The following KIT variants were observed in gnomAD, a reference collection of about 807,000 sequenced individuals.
The protein encoded by KIT is KIT proto-oncogene, receptor tyrosine kinase, also known as mast/stem cell growth factor receptor Kit.
A neutral mutation model predicts 105.7 loss-of-function variants in KIT; 16 were observed. That is an observed-to-expected ratio of 0.15 (90% confidence interval 0.10 to 0.23). The LOEUF is 0.23. KIT is among the 10% of genes least tolerant of loss of function. KIT has a pLI of 1.00. For synonymous variants in KIT, 438 were observed against 441.1 expected (o/e 0.99, Z 0.09); for missense variants, 858 against 1,213.8 (o/e 0.71, Z 4.36).
At chr4:54,676,396 A>G (rs1473871886) in intron 1 of KIT, among the ~76,000 whole-genome samples, 2 of 152,214 alleles carry the variant, frequency 1.3e-5, no homozygotes, top group Non-Finnish European at 2.9e-5. Flanking sequence ...AGGCTGTGCT[A>G]GTTAAAAAGT....
At chr4:54,734,660 GA>G (rs1357032721) in intron 17 of KIT, among the ~76,000 whole-genome samples, 2 of 152,136 alleles carry the variant, frequency 1.3e-5, no homozygotes, top group Admixed American at 1.3e-4. Flanking sequence ...AAGATAAGAA[GA>G]AGGAAACTCA....
chr4:54,729,820 A>C (rs1722479319), intron 14 of KIT, among the ~76,000 whole-genome samples: 1 of 152,158 alleles, frequency 6.6e-6, no homozygotes, highest in Non-Finnish European at 1.5e-5. Flanking sequence ...TACTACATGC[A>C]TGTTTCCAGT....
chr4:54,733,629 G>A lies in KIT; in HGVS notation c.2484+437G>A, dbSNP rs6857973. On this transcript the variant is annotated intron_variant, in intron 17 of 20. Transcript: ENST00000288135. ...TGTTGGATCCTAGAATACACGGAGA[G>A]CTATTAAATAGGTTCATAAGTAATA... is the stretch of plus-strand genomic sequence containing the variant. 6.5e-3 allele frequency among the ~76,000 whole-genome samples: 994 copies of A among 152,232 alleles called. 13 individuals are homozygous for A. Among genetic ancestry groups the A allele is most frequent in the African/African-American group, 0.023 (950 of 41,530 alleles).
intron 1 of KIT, among the ~76,000 whole-genome samples, chr4:54,677,399 G>A (rs558021696): frequency 4.9e-4 from 74 of 152,268 alleles, no homozygotes; most frequent in South Asian, 1.0e-3. Flanking sequence ...TGGGACACTA[G>A]AGAGAAGTTC....
intron 1 of KIT, among the ~76,000 whole-genome samples, chr4:54,667,854 G>A (rs1247252247): frequency 6.6e-6 from 1 of 152,162 alleles, no homozygotes; most frequent in Non-Finnish European, 1.5e-5. Context: ...TATGTTCGAT[G>A]CACATCCAGT....
At chr4:54,712,759 C>A (rs538777382) in intron 7 of KIT, among the ~76,000 whole-genome samples, 1 of 152,146 alleles carries the variant, frequency 6.6e-6, no homozygotes, top group Non-Finnish European at 1.5e-5. Context: ...GTCTTTTCTG[C>A]ATTCTAGGGT....
Position 54,731,988 on chromosome 4 carries a change from C to T in KIT, c.2351C>T (p.Ala784Val), listed in dbSNP as rs2109796079. Residue 784 changes from alanine (A) to valine (V), a missense_variant, in exon 16 of 21, where the codon GCC becomes GTC. By Grantham distance (64) the Ala-to-Val change is moderately conservative. Around this residue, in one of 7 missense-constraint regions of KIT, gnomAD observed 158 missense variants for 218.7 expected, o/e 0.72. Transcript: ENST00000288135. ...GTGGCAAAGGGCATGGCTTTCCTCG[C>T]CTCCAAGAATGTAAGTGGGAGTGAT... Reference protein sequence around the residue: ...YQVAKGMAFLASKNCIHRDLA... With the variant: ...YQVAKGMAFLVSKNCIHRDLA... 2 of 1,613,166 alleles carry T rather than the reference C, an allele frequency of 1.2e-6. No homozygotes were observed. The highest frequency in any genetic ancestry group is 2.2e-5 in the East Asian group (1 of 44,854).
intron 8 of KIT, 151 bp from the exon 9 acceptor site, chr4:54,725,706 C>A: frequency 1.3e-6 from 1 of 773,670 alleles, no homozygotes; most frequent in Non-Finnish European, 2.2e-6. Context: ...ACTAGGTCAC[C>A]AAAGTGCTTA....
chr4:54,724,370 C>T (rs183718894), intron 8 of KIT, among the ~76,000 whole-genome samples: 16 of 152,264 alleles, frequency 1.1e-4, no homozygotes, highest in East Asian at 1.9e-4. Context: ...TTAGTATGGT[C>T]GCAGAAATTT....
In KIT at chr4:54,699,634, C is replaced by G; in HGVS notation, c.624C>G (p.Phe208Leu). 6.2e-7 allele frequency: 1 copy of G among 1,613,942 alleles called. No homozygotes were observed. Residue 208 changes from phenylalanine to leucine, a missense_variant, in exon 4 of 21, where the codon TTC becomes TTG. Coordinates refer to ENST00000288135, the MANE Select transcript of KIT (RefSeq NM_000222.3). ...EKFILKVRPA[F>L]KAVPVVSVSK... ...CCACATTTCTTTTCATTCTAGCCTT[C>G]AAAGCTGTGCCTGTTGTGTCTGTGT...
intron 1 of KIT, among the ~76,000 whole-genome samples, chr4:54,663,038 T>C (rs201117503): frequency 6.7e-6 from 1 of 149,422 alleles, no homozygotes; most frequent in African/African-American, 2.5e-5. Context: ...CAACATAACA[T>C]TTGTGTCTGG....
At position 54,695,515 on chromosome 4, in the gene KIT, C is replaced by G. The variant is rs1577952322; in HGVS notation, c.71C>G (p.Ser24Cys). The stretch of plus-strand genomic sequence containing the variant: ...ACGATTCTGTTTTTCTTGGCAGGCT[C>G]TTCTCAACCATCTGTGAGTCCAGGG... ...LLLLLRVQTG[S>C]SQPSVSPGEP... is the part of the protein sequence containing the mutation. Residue 24 changes from serine to cysteine, a missense_variant, in exon 2 of 21, where the codon TCT becomes TGT. This residue lies in a region of KIT where 46 missense variants were observed against 38.8 expected (regional missense o/e 1.19). Coordinates refer to ENST00000288135, the MANE Select transcript of KIT (RefSeq NM_000222.3). The G allele has an allele frequency of 6.2e-7, 1 of 1,614,168 alleles. No homozygotes were observed. Among genetic ancestry groups the G allele is most frequent in the Non-Finnish European group, 8.5e-7 (1 of 1,180,030 alleles).
At chr4:54,734,220 A>T (rs1001693030) in intron 17 of KIT, among the ~76,000 whole-genome samples, 3 of 152,136 alleles carry the variant, frequency 2.0e-5, no homozygotes, top group African/African-American at 7.2e-5. Context: ...CTGAATATTG[A>T]CCAAAGGGAG....
At chr4:54,664,449 C>G (rs1180613379) in intron 1 of KIT, among the ~76,000 whole-genome samples, 4 of 152,086 alleles carry the variant, frequency 2.6e-5, no homozygotes, top group Admixed American at 1.3e-4. Context: ...GCTGCCTGTT[C>G]CACCATTCTG....
chr4:54,693,204 T>C (rs1394644410), intron 1 of KIT, among the ~76,000 whole-genome samples: 1 of 152,236 alleles, frequency 6.6e-6, no homozygotes, highest in Non-Finnish European at 1.5e-5. Context: ...CTTTAGAATT[T>C]CCAGCAGTCT....
chr4:54,734,455 C>T (rs536561836), intron 17 of KIT, among the ~76,000 whole-genome samples: 19 of 152,278 alleles, frequency 1.2e-4, no homozygotes, highest in African/African-American at 3.9e-4. Context: ...TTATAGATGT[C>T]TTATTTACGA....
At chr4:54,671,013 G>A (rs891496156) in intron 1 of KIT, among the ~76,000 whole-genome samples, 1 of 152,124 alleles carries the variant, frequency 6.6e-6, no homozygotes, top group Non-Finnish European at 1.5e-5. Context: ...TGTTTGACAC[G>A]GTACCATTTA....
intron 17 of KIT, among the ~76,000 whole-genome samples, chr4:54,735,392 A>G (rs1722875165): frequency 8.2e-6 from 1 of 121,430 alleles, no homozygotes; most frequent in Non-Finnish European, 1.8e-5. Flanking sequence ...AAAAAAAAAA[A>G]GCTTTCCCAG....
rs1723143366 is a variant in KIT at position 54,739,858 on chromosome 4, C to A, written c.*1301C>A. The A allele has an allele frequency of 8.6e-6, 2 of 233,250 alleles. No individual in the cohort carries two copies. The highest frequency in any genetic ancestry group is 1.8e-4 in the South Asian group (1 of 5,520). 14.4% of individuals were successfully genotyped at this position (233,250 alleles called of 1,614,324 possible). A position where few individuals can be genotyped will look rare whatever the true frequency, so the allele number is the denominator to read the frequency against. ...GCAGAGGAAGTGGAAGGCATCAGTC[C>A]CTATGTATTTGCAGTTCACCTGCAC... On this transcript the variant is annotated 3_prime_UTR_variant, in exon 21 of 21. Coordinates refer to ENST00000288135, the MANE Select transcript of KIT (RefSeq NM_000222.3).
Sources: gnomAD v4.1 joint callset for allele counts (sites outside exome capture counted in the v4.1 genomes callset) on GRCh38, gnomAD v4.1.1 for gene constraint, gnomAD v4.1.1 regional missense constraint, MANE v1.5 for transcripts, NCBI Gene and HGNC (gene_info 2026-07-23, HGNC 2026-07-21) for gene names.